Variants in PIWIL3 observed in about 807,000 individuals in gnomAD.
PIWIL3 encodes the protein piwi like RNA-mediated gene silencing 3.
PIWIL3 carries 101 observed loss-of-function variants against 109.7 expected under a neutral mutation model. The observed-to-expected ratio is 0.92, with a 90% CI of 0.78 to 1.09. The LOEUF is 1.09. Among genes scored for constraint, PIWIL3 ranks in the 50% least tolerant of loss-of-function variants. The probability of loss-of-function intolerance (pLI) is 0.00; values close to 1 mark genes in which losing one functional copy is unlikely to be tolerated. For missense variants in PIWIL3, 1,031 were observed against 1,072.6 expected (o/e 0.96, Z 0.54); for synonymous variants, 373 against 376.4 (o/e 0.99, Z 0.10).
At chr22:24,757,155 G>C (rs1925099822) in intron 4 of PIWIL3, among the ~76,000 whole-genome samples, 1 of 150,752 alleles carries the variant, frequency 6.6e-6, no homozygotes, top group South Asian at 2.1e-4. Flanking sequence ...AATGACATTT[G>C]TAATGCACCT....
At chr22:24,737,160 G>T (rs1003457076) in intron 12 of PIWIL3, among the ~76,000 whole-genome samples, 1 of 152,192 alleles carries the variant, frequency 6.6e-6, no homozygotes, top group Non-Finnish European at 1.5e-5. Flanking sequence ...TGGCAGCACA[G>T]CTCAAAGCTC....
At position 24,728,049 on chromosome 22, in the gene PIWIL3, T is replaced by C. The variant is rs769473631; in HGVS notation, c.1910A>G (p.Gln637Arg). Reference sequence around the variant, plus strand: ...ATCAATGCCAACGAACATTGTTCTTTGTACCTTAAGTTTGTTTTTGAAAAG... The same window carrying C: ...ATCAATGCCAACGAACATTGTTCTTCGTACCTTAAGTTTGTTTTTGAAAAG... ...GALWKVETDV[Q>R]RTMFVGIDCF... The change falls in exon 16 of 21, where the codon CAA becomes CGA. Residue 637 changes from glutamine to arginine, a missense_variant. Physicochemically the swap from Gln to Arg is conservative, Grantham distance 43. Coordinates refer to ENST00000616349, the MANE Select transcript of PIWIL3 (RefSeq NM_001255975.1). 1 of 1,613,758 alleles carries C rather than the reference T, an allele frequency of 6.2e-7. No individual in the cohort carries two copies. Among genetic ancestry groups the C allele is most frequent in the African/African-American group, 1.3e-5 (1 of 74,928 alleles).
At chr22:24,756,301 T>C (rs1413082622) in intron 5 of PIWIL3, among the ~76,000 whole-genome samples, 190 bp downstream of exon 5, 1 of 152,160 alleles carries the variant, frequency 6.6e-6, no homozygotes, top group African/African-American at 2.4e-5. Flanking sequence ...CATTTAAGCA[T>C]TAAAATCAGA....
intron 1 of PIWIL3, among the ~76,000 whole-genome samples, chr22:24,772,507 CTG>C (rs996977113): frequency 6.6e-6 from 1 of 152,146 alleles, no homozygotes; most frequent in African/African-American, 2.4e-5. Context: ...TCACAGGGGC[CTG>C]TGGGGGTTAC....
intron 13 of PIWIL3, 131 bp downstream of exon 13, chr22:24,735,576 TG>T: frequency 1.2e-6 from 1 of 805,308 alleles, no homozygotes; most frequent in South Asian, 2.5e-5. Flanking sequence ...TAATATTTTT[TG>T]ACTAGAGATT....
intron 3 of PIWIL3, 102 bp downstream of exon 3, chr22:24,759,767 C>A: frequency 6.5e-7 from 1 of 1,540,072 alleles, no homozygotes; most frequent in African/African-American, 1.4e-5. Flanking sequence ...TCCCACCAAA[C>A]CTCACGGGAG....
intron 12 of PIWIL3, among the ~76,000 whole-genome samples, chr22:24,740,834 AAAG>A (rs1294704898): frequency 1.4e-4 from 21 of 152,334 alleles, no homozygotes; most frequent in Non-Finnish European, 1.9e-4. Context: ...TCAGACACTC[AAAG>A]AAGAATTGGT....
chr22:24,747,478 C>T (rs1924441576), intron 12 of PIWIL3, among the ~76,000 whole-genome samples: 1 of 152,112 alleles, frequency 6.6e-6, no homozygotes, highest in South Asian at 2.1e-4. Flanking sequence ...AGTTAAAAAG[C>T]TTCTATGTAG....
intron 14 of PIWIL3, among the ~76,000 whole-genome samples, chr22:24,731,300 A>T (rs978273671): frequency 6.6e-6 from 1 of 152,168 alleles, no homozygotes; most frequent in African/African-American, 2.4e-5. Flanking sequence ...GATTAAGTAA[A>T]TTTACTGAGT....
At position 24,762,467 on chromosome 22, in the gene PIWIL3, G is replaced by A. The variant is rs1429478974; in HGVS notation, c.33C>T (p.Gly11=). 3.7e-6 allele frequency: 6 copies of A among 1,613,822 alleles called. No homozygotes were observed. The Admixed American group carries it at 5.0e-5, about 13-fold the overall frequency. ...GGTAGCTCTCCCTGCGGCGGGCTCT[G>A]CCTCGGGCGCGAGTCCTTGCCCTAC... MPGRARTRAR[G]RARRRESYQQ... The change falls in exon 2 of 21, where the codon GGC becomes GGT. Residue 11 remains glycine, a synonymous_variant. Transcript: ENST00000616349.
rs61469163 is a variant in PIWIL3, at chr22:24,760,780, C to CAAAAAAAAAAAAAAAAAAAAAAAAA, written c.103-792_103-791insTTTTTTTTTTTTTTTTTTTTTTTTT. ...GGGCAACAAGAGCGAAACTCTGTCT[C>CAAAAAAAAAAAAAAAAAAAAAAAAA]AAAAAAAAAAAAAAAAAAAAAAAGC... On this transcript the variant is annotated intron_variant, in intron 2 of 20. Transcript: ENST00000616349. Among the ~76,000 whole-genome samples, 31 of 41,022 alleles carry CAAAAAAAAAAAAAAAAAAAAAAAAA rather than the reference C, an allele frequency of 7.6e-4. 1 individual carries two copies. Among genetic ancestry groups the CAAAAAAAAAAAAAAAAAAAAAAAAA allele is most frequent in the East Asian group, 2.1e-3 (2 of 936 alleles). 26.9% of individuals were successfully genotyped at this position (41,022 alleles called of 152,430 possible). A position where few individuals can be genotyped will look rare whatever the true frequency, so the allele number is the denominator to read the frequency against.
At chr22:24,755,759 A>G (rs1924986490) in intron 6 of PIWIL3, 25 bp downstream of exon 6, 2 of 1,613,176 alleles carry the variant, frequency 1.2e-6, no homozygotes, top group Non-Finnish European at 8.5e-7. Context: ...ATGAGTATCA[A>G]AGAAACTCAA....
intron 12 of PIWIL3, among the ~76,000 whole-genome samples, chr22:24,743,767 G>A (rs1420963250): frequency 6.6e-6 from 1 of 151,990 alleles, no homozygotes; most frequent in African/African-American, 2.4e-5. Flanking sequence ...ATCACCACTA[G>A]AACTTATCCA....
rs1232689745 is a variant in PIWIL3 at position 24,728,167 on chromosome 22, T to C, written c.1905+10A>G. ...AGTAAGTTAAACGAAGTCAGTGAAATACAACATACGTCTGTCTCCACCTTC... is the reference window on the plus strand; with the variant it reads ...AGTAAGTTAAACGAAGTCAGTGAAACACAACATACGTCTGTCTCCACCTTC... On this transcript the variant is annotated intron_variant, in intron 15 of 20. Transcript: ENST00000616349. The C allele has an allele frequency of 6.2e-7, 1 of 1,613,418 alleles. No homozygotes were observed. Among genetic ancestry groups the C allele is most frequent in the Non-Finnish European group, 8.5e-7 (1 of 1,179,464 alleles).
At position 24,754,010 on chromosome 22, in the gene PIWIL3, T is replaced by TTTGTCTTTTGTCTG. The variant is rs1162389766; in HGVS notation, c.977+3_977+4insCAGACAAAAGACAA. 1 of 1,593,322 alleles carries TTTGTCTTTTGTCTG rather than the reference T, an allele frequency of 6.3e-7. No homozygotes were observed. Among genetic ancestry groups the TTTGTCTTTTGTCTG allele is most frequent in the East Asian group, 2.2e-5 (1 of 44,780 alleles). On this transcript the variant is annotated splice_donor_region_variant and intron_variant, in intron 8 of 20. Coordinates refer to ENST00000616349, the MANE Select transcript of PIWIL3 (RefSeq NM_001255975.1). ...TTGGATAGGTTTTTAAAAGACAGAC[T>TTTGTCTTTTGTCTG]TACTTTGTCAGAACAATTGATCCAA...
intron 17 of PIWIL3, 95 bp from the exon 18 acceptor site, chr22:24,725,132 C>T: frequency 2.8e-6 from 4 of 1,444,312 alleles, no homozygotes; most frequent in South Asian, 2.6e-5. Context: ...TTCAACACTG[C>T]AGCTTTCAGG....
chr22:24,748,971 G>T lies in PIWIL3; in HGVS notation c.1385C>A (p.Thr462Asn). 1.2e-6 allele frequency: 2 copies of T among 1,613,550 alleles called. No individual in the cohort carries two copies. The highest frequency in any genetic ancestry group is 1.1e-5 in the South Asian group (1 of 91,000). Residue 462 changes from threonine to asparagine, a missense_variant, in exon 12 of 21, where the codon ACC becomes AAC. Coordinates refer to ENST00000616349, the MANE Select transcript of PIWIL3 (RefSeq NM_001255975.1). ...LLQLWDLKFD[T>N]NFLSVPGRVL... ...TCTTCCCGGGACGGACAAAAAATTGGTATCAAATTTCAAATCCCAGAGTTG... is the reference window on the plus strand; with the variant it reads ...TCTTCCCGGGACGGACAAAAAATTGTTATCAAATTTCAAATCCCAGAGTTG...
intron 12 of PIWIL3, among the ~76,000 whole-genome samples, chr22:24,744,552 G>A (rs190456467): frequency 2.0e-4 from 30 of 152,062 alleles, no homozygotes; most frequent in African/African-American, 5.8e-4. Flanking sequence ...CAGCCTGGGC[G>A]ACAGAGCAAG....
At chr22:24,742,319 C>T (rs545144346) in intron 12 of PIWIL3, among the ~76,000 whole-genome samples, 69 of 152,018 alleles carry the variant, frequency 4.5e-4, no homozygotes, top group African/African-American at 1.7e-3. Context: ...GACTATACTG[C>T]CAAAAGCAAT....
Sources: allele counts gnomAD v4.1 joint callset (sites outside exome capture counted in the v4.1 genomes callset), GRCh38; gene constraint gnomAD v4.1.1; transcripts MANE v1.5; gene names NCBI Gene and HGNC (gene_info 2026-07-23, HGNC 2026-07-21).